CEP63: variants seen among roughly 807,000 people sequenced by gnomAD.
The protein encoded by CEP63 is centrosomal protein of 63 kDa.
In CEP63, 84 loss-of-function variants were observed where a neutral mutation model predicts 89.1. The observed-to-expected ratio is 0.94, with a 90% CI of 0.79 to 1.13. The LOEUF (loss-of-function observed/expected upper bound fraction) is 1.13. Among genes scored for constraint, CEP63 ranks in the 50% most tolerant of loss-of-function variants. CEP63 has a pLI of 0.00. For missense variants in CEP63, 838 were observed against 813.3 expected (o/e 1.03, Z -0.37); for synonymous variants, 267 against 272.5 (o/e 0.98, Z 0.20).
downstream of CEP63, among the ~76,000 whole-genome samples, chr3:134,590,428 T>G (rs1015336691): frequency 1.3e-5 from 2 of 152,150 alleles, no homozygotes; most frequent in African/African-American, 4.8e-5. Flanking sequence ...AATTAAAAAT[T>G]TATATCATTT....
At chr3:134,687,722 G>C in the CEP63 span, among the ~76,000 whole-genome samples, 1 of 152,230 alleles carries the variant, frequency 6.6e-6, no homozygotes, top group South Asian at 2.1e-4. Context: ...ACTCCACAGA[G>C]AGTAGAATAA....
the CEP63 span, among the ~76,000 whole-genome samples, chr3:134,653,437 C>A: frequency 9.2e-5 from 14 of 152,218 alleles, no homozygotes; most frequent in Admixed American, 2.0e-4. Flanking sequence ...GACACCTAGA[C>A]CCTCTTCTCA....
At chr3:134,516,130 G>A (rs530993202) in intron 3 of CEP63, among the ~76,000 whole-genome samples, 5 of 152,258 alleles carry the variant, frequency 3.3e-5, no homozygotes, top group Admixed American at 2.0e-4. Flanking sequence ...GGTGTTTCTC[G>A]GAGAGGGGGA....
chr3:134,749,346 G>T, the CEP63 span, among the ~76,000 whole-genome samples: 1 of 152,112 alleles, frequency 6.6e-6, no homozygotes, highest in Non-Finnish European at 1.5e-5. Flanking sequence ...TCAGGCAAGG[G>T]AACTGCTCGG....
chr3:134,514,228 A>T lies in CEP63; in HGVS notation c.222+6942A>T, dbSNP rs565042038. On this transcript the variant is annotated intron_variant, in intron 3 of 14. Transcript: ENST00000675561. Reference sequence around the variant, plus strand: ...AATGACTGAAATTAAGGTCTTAAAGATTAAGGGATAATTAGTGAACTAGAT... The same window carrying T: ...AATGACTGAAATTAAGGTCTTAAAGTTTAAGGGATAATTAGTGAACTAGAT... Among the ~76,000 whole-genome samples the T allele has an allele frequency of 1.3e-5, 2 of 152,326 alleles. 1 individual carries two copies. The highest frequency in any genetic ancestry group is 4.8e-5 in the African/African-American group (2 of 41,584).
In CEP63 at chr3:134,539,432, T is replaced by C. The variant is rs180972725; in HGVS notation, c.555+2164T>C. 9.3e-4 allele frequency among the ~76,000 whole-genome samples: 141 copies of C among 152,318 alleles called. 1 individual carries two copies. The highest frequency in any genetic ancestry group is 3.3e-3 in the African/African-American group (139 of 41,590). On this transcript the variant is annotated intron_variant, in intron 6 of 14. Coordinates refer to ENST00000675561, the MANE Select transcript of CEP63 (RefSeq NM_001353108.3). ...AGAGCAAATCATAGATATCATCTTA[T>C]TTCCCAACAGGTAAGGACTTAAAAA...
chr3:134,511,579 A>G lies in CEP63; in HGVS notation c.222+4293A>G, dbSNP rs528945982. ...GGAACTACCTGAGACAGGGTAAGCT[A>G]TGCAGAAAAGAGGTTTAATTGACTC... On this transcript the variant is annotated intron_variant, in intron 3 of 14. Coordinates refer to ENST00000675561, the MANE Select transcript of CEP63 (RefSeq NM_001353108.3). Among the ~76,000 whole-genome samples, 10 of 152,334 alleles carry G rather than the reference A, an allele frequency of 6.6e-5. No homozygotes were observed. The East Asian group carries it at 1.3e-3, about 21-fold the overall frequency.
chr3:134,571,743 T>C (rs995099728), intron 11 of CEP63, among the ~76,000 whole-genome samples: 3 of 152,096 alleles, frequency 2.0e-5, no homozygotes, highest in African/African-American at 7.2e-5. Context: ...GAAAATAAAA[T>C]ATCATCATTC....
chr3:134,693,808 C>G, the CEP63 span, among the ~76,000 whole-genome samples: 1 of 152,212 alleles, frequency 6.6e-6, no homozygotes, highest in African/African-American at 2.4e-5. Context: ...CCTTTGGCTG[C>G]TCTCCACAGG....
At chr3:134,566,195 G>C (rs138442487), downstream of CEP63, among the ~76,000 whole-genome samples, 336 of 151,832 alleles carry the variant, frequency 2.2e-3, no homozygotes, top group Middle Eastern at 3.4e-3. Flanking sequence ...TTAAGACCAG[G>C]TTCAATTATT....
chr3:134,717,257 G>A, the CEP63 span, among the ~76,000 whole-genome samples: 1 of 152,158 alleles, frequency 6.6e-6, no homozygotes, highest in African/African-American at 2.4e-5. Flanking sequence ...AAGTTCCATG[G>A]CCATCCTGAC....
At position 134,547,122 on chromosome 3, in the gene CEP63, C is replaced by A. The variant is rs182195605; in HGVS notation, c.930-213C>A. Among the ~76,000 whole-genome samples, 6 of 152,044 alleles carry A rather than the reference C, an allele frequency of 3.9e-5. No individual in the cohort carries two copies. The East Asian group carries it at 7.8e-4, about 20-fold the overall frequency. ...TTTTTCCCTTGAAAAAAGGCCAAAT[C>A]CCAGTTAAGAAGGGAGTAAATTGCT... On this transcript the variant is annotated intron_variant, in intron 8 of 14. Transcript: ENST00000675561.
At chr3:134,631,166 T>C in the CEP63 span, among the ~76,000 whole-genome samples, 4 of 152,092 alleles carry the variant, frequency 2.6e-5, no homozygotes, top group Non-Finnish European at 4.4e-5. Context: ...GCAGAAAAAA[T>C]ATTTGAGAAA....
intron 12 of CEP63, 179 bp downstream of exon 12, chr3:134,552,191 G>A (rs1955027976): frequency 4.8e-6 from 2 of 412,992 alleles, no homozygotes; most frequent in South Asian, 3.1e-5. Flanking sequence ...CTCCACTCCA[G>A]CAGCAGGAAG....
At chr3:134,760,058 C>CTTTTTT in the CEP63 span, among the ~76,000 whole-genome samples, 40 of 131,190 alleles carry the variant, frequency 3.0e-4, 2 homozygotes, top group Non-Finnish European at 3.8e-4. Context: ...AGAGCACTTT[C>CTTTTTT]TTTTTTTTTT....
intron 10 of CEP63, among the ~76,000 whole-genome samples, chr3:134,581,993 C>T (rs1378807992): frequency 1.3e-5 from 2 of 151,722 alleles, no homozygotes; most frequent in African/African-American, 4.8e-5. Context: ...TTTTTTAAAC[C>T]AGAAATAGAA....
At chr3:134,611,595 T>G in the CEP63 span, among the ~76,000 whole-genome samples, 5 of 152,252 alleles carry the variant, frequency 3.3e-5, no homozygotes, top group African/African-American at 1.2e-4. Flanking sequence ...ACACAACCTG[T>G]GAAACCGAGG....
intron 14 of CEP63, among the ~76,000 whole-genome samples, chr3:134,560,165 G>A (rs554217304): frequency 6.6e-6 from 1 of 152,272 alleles, no homozygotes; most frequent in South Asian, 2.1e-4. Context: ...AACTTTCCCT[G>A]GCCTGAACTG....
At chr3:134,541,959 C>T (rs1288272171) in intron 6 of CEP63, among the ~76,000 whole-genome samples, 2 of 152,072 alleles carry the variant, frequency 1.3e-5, no homozygotes, top group Non-Finnish European at 2.9e-5. Context: ...AGGATCAGTA[C>T]AGTCTAAAAC....
Sources: allele counts gnomAD v4.1 joint callset (sites outside exome capture counted in the v4.1 genomes callset), GRCh38; gene constraint gnomAD v4.1.1; transcripts MANE v1.5; gene names NCBI Gene and HGNC (gene_info 2026-07-23, HGNC 2026-07-21).